SEMA5A: variants seen among roughly 807,000 people sequenced by gnomAD.
SEMA5A encodes semaphorin 5A.
Under a neutral mutation model 135.5 loss-of-function variants are expected in SEMA5A, and 55 were observed. The ratio of observed to expected loss-of-function variants is 0.41; its 90% confidence interval spans 0.33 to 0.51. The LOEUF is 0.51. SEMA5A is among the 20% of genes least tolerant of loss of function. The pLI, the probability that SEMA5A is intolerant of heterozygous loss-of-function variation, is 0.37. For missense variants in SEMA5A, 1,290 were observed against 1,419.9 expected, an observed-to-expected ratio of 0.91 and a Z score of 1.47; for synonymous variants, 580 against 546.5, an observed-to-expected ratio of 1.06 and a Z score of -0.85.
At chr5:9,450,741 T>C (rs900800323) in intron 1 of SEMA5A, among the ~76,000 whole-genome samples, 1 of 151,196 alleles carries the variant, frequency 6.6e-6, no homozygotes, top group African/African-American at 2.4e-5. Flanking sequence ...GAAGTTATAA[T>C]GTGATCTACC....
rs1735952639 is a variant in SEMA5A, at chr5:9,041,293, C to T, written c.*1604G>A. On this transcript the variant is annotated 3_prime_UTR_variant, in exon 23 of 23. Coordinates refer to ENST00000382496, the MANE Select transcript of SEMA5A (RefSeq NM_003966.3). Reference sequence around the variant, plus strand: ...CATATGCTAATAAAATTCTATGTTCCTTAGTCCCCCTACTATATTTTCTTT... The same window carrying T: ...CATATGCTAATAAAATTCTATGTTCTTTAGTCCCCCTACTATATTTTCTTT... 6.6e-6 allele frequency: 1 copy of T among 152,134 alleles called. No individual in the cohort carries two copies. Among genetic ancestry groups the T allele is most frequent in the African/African-American group, 2.4e-5 (1 of 41,436 alleles). The allele number at this position is 152,134 out of a possible 1,614,324, so 9.4% of individuals were successfully genotyped here.
intron 2 of SEMA5A, among the ~76,000 whole-genome samples, chr5:9,412,857 T>C (rs1200397606): frequency 6.6e-6 from 1 of 152,134 alleles, no homozygotes; most frequent in Non-Finnish European, 1.5e-5. Flanking sequence ...TGTTTTAGAT[T>C]TTGGATCACT....
intron 1 of SEMA5A, among the ~76,000 whole-genome samples, chr5:9,537,881 CT>C (rs1255395919): frequency 1.3e-5 from 2 of 152,212 alleles, no homozygotes; most frequent in Non-Finnish European, 2.9e-5. Flanking sequence ...TAAAGGCCAG[CT>C]AGCCTGGACC....
intron 3 of SEMA5A, among the ~76,000 whole-genome samples, chr5:9,347,178 GA>G (rs1753913907): frequency 6.6e-6 from 1 of 152,138 alleles, no homozygotes; most frequent in African/African-American, 2.4e-5. Context: ...ATATGACACT[GA>G]AAACACAGCA....
At chr5:9,241,772 T>G (rs144545180) in intron 5 of SEMA5A, among the ~76,000 whole-genome samples, 592 of 152,300 alleles carry the variant, frequency 3.9e-3, no homozygotes, top group Admixed American at 6.1e-3. Flanking sequence ...GCTCTTTTTA[T>G]GTATGTGTTA....
chr5:9,348,544 G>T (rs1412644409), intron 3 of SEMA5A, among the ~76,000 whole-genome samples: 1 of 152,132 alleles, frequency 6.6e-6, no homozygotes, highest in Non-Finnish European at 1.5e-5. Context: ...CAGTGCAGAA[G>T]GGTTTTCATT....
chr5:9,194,895 C>T (rs970867525), intron 10 of SEMA5A, among the ~76,000 whole-genome samples: 3 of 152,092 alleles, frequency 2.0e-5, no homozygotes, highest in African/African-American at 7.2e-5. Flanking sequence ...CTGTGTGCTG[C>T]AAAGGTATCC....
rs539249788 is a variant in SEMA5A at position 9,527,772 on chromosome 5, T to C, written c.-175+17812A>G. Reference sequence around the variant, plus strand: ...TTTTAGAATTGGACAAAGTGGGGCATGGAGAGATTGAGCATGTTCCTCAGG... The same window carrying C: ...TTTTAGAATTGGACAAAGTGGGGCACGGAGAGATTGAGCATGTTCCTCAGG... On this transcript the variant is annotated intron_variant, in intron 1 of 22. Transcript: ENST00000382496. 2.6e-5 allele frequency among the ~76,000 whole-genome samples: 4 copies of C among 152,262 alleles called. No individual in the cohort carries two copies. In the South Asian group the frequency reaches 6.2e-4, roughly 24 times the overall value.
intron 1 of SEMA5A, among the ~76,000 whole-genome samples, chr5:9,509,057 G>A (rs974119480): frequency 6.6e-6 from 1 of 151,992 alleles, no homozygotes; most frequent in South Asian, 2.1e-4. Flanking sequence ...GAGCAATTCT[G>A]GCCAAGCAGA....
intron 3 of SEMA5A, among the ~76,000 whole-genome samples, chr5:9,362,122 G>A (rs763387301): frequency 1.3e-5 from 2 of 152,052 alleles, no homozygotes; most frequent in African/African-American, 4.8e-5. Flanking sequence ...GTTCTTTTGC[G>A]TTTTCCTTTT....
At chr5:9,172,063 G>T (rs1743952323) in intron 11 of SEMA5A, among the ~76,000 whole-genome samples, 1 of 101,284 alleles carries the variant, frequency 9.9e-6, no homozygotes, top group Admixed American at 9.0e-5. Context: ...GGCATGCCCT[G>T]ACTCCAAGGC....
At chr5:9,084,931 G>T (rs1738596621) in intron 16 of SEMA5A, among the ~76,000 whole-genome samples, 1 of 152,152 alleles carries the variant, frequency 6.6e-6, no homozygotes, top group Non-Finnish European at 1.5e-5. Flanking sequence ...TCCAGGCTGA[G>T]GTGGTCTCAA....
chr5:9,413,600 G>T (rs1344098667), intron 2 of SEMA5A, among the ~76,000 whole-genome samples: 1 of 152,154 alleles, frequency 6.6e-6, no homozygotes, highest in Non-Finnish European at 1.5e-5. Context: ...GGGCTAAAAG[G>T]GCGTAGAAGA....
rs150384406 is a variant in SEMA5A at position 9,114,139 on chromosome 5, G to A, written c.1925+4859C>T. The stretch of plus-strand genomic sequence containing the variant: ...AGCCTTACAAAAGGAATGAAGTTCT[G>A]ACACATGCTACAACATGGAAGAACC... On this transcript the variant is annotated intron_variant, in intron 15 of 22. Transcript: ENST00000382496. 3.2e-3 allele frequency among the ~76,000 whole-genome samples: 489 copies of A among 152,282 alleles called. 1 individual carries two copies. Among genetic ancestry groups the A allele is most frequent in the Non-Finnish European group, 5.0e-3 (341 of 68,022 alleles).
At chr5:9,338,921 T>A (rs1158403224) in intron 3 of SEMA5A, among the ~76,000 whole-genome samples, 1 of 152,204 alleles carries the variant, frequency 6.6e-6, no homozygotes. Flanking sequence ...TGGTTCTGTA[T>A]AATAAACATG....
chr5:9,428,784 C>A (rs1757757036), intron 2 of SEMA5A, among the ~76,000 whole-genome samples: 1 of 152,138 alleles, frequency 6.6e-6, no homozygotes, highest in Non-Finnish European at 1.5e-5. Flanking sequence ...CTAAATATAG[C>A]ACAATCAGAA....
At chr5:9,235,143 G>A (rs945691310) in intron 6 of SEMA5A, among the ~76,000 whole-genome samples, 1 of 152,296 alleles carries the variant, frequency 6.6e-6, no homozygotes, top group South Asian at 2.1e-4. Context: ...CTCGCTACAT[G>A]ATGGAATCTG....
At chr5:9,299,926 G>T (rs1751529219) in intron 5 of SEMA5A, among the ~76,000 whole-genome samples, 1 of 152,122 alleles carries the variant, frequency 6.6e-6, no homozygotes, top group Non-Finnish European at 1.5e-5. Flanking sequence ...TCTAATGAGA[G>T]CCAGAAGTTC....
At chr5:9,258,249 T>C (rs1359490048) in intron 5 of SEMA5A, among the ~76,000 whole-genome samples, 1 of 152,244 alleles carries the variant, frequency 6.6e-6, no homozygotes, top group Non-Finnish European at 1.5e-5. Flanking sequence ...TATATTTTCA[T>C]GTAAGTTCTT....
Sources: allele counts gnomAD v4.1 joint callset (sites outside exome capture counted in the v4.1 genomes callset), GRCh38; gene constraint gnomAD v4.1.1; transcripts MANE v1.5; gene names NCBI Gene and HGNC (gene_info 2026-07-23, HGNC 2026-07-21).